The following MSRA variants were observed in gnomAD, a reference collection of about 807,000 sequenced individuals.
MSRA encodes the protein methionine sulfoxide reductase A.
Under a neutral mutation model 31.3 loss-of-function variants are expected in MSRA, and 54 were observed. The ratio of observed to expected loss-of-function variants is 1.73; its 90% confidence interval spans 1.39 to 2.17. The LOEUF (loss-of-function observed/expected upper bound fraction) is 2.17, where lower values mean the gene tolerates loss of function less well. Ranked by LOEUF, MSRA falls within the 30% of genes most tolerant of loss-of-function variation. The pLI is 0.00. For missense variants in MSRA, 507 were observed against 300.9 expected (o/e 1.69, Z -5.07); for synonymous variants, 169 against 116.5 (o/e 1.45, Z -2.90).
chr8:10,137,237 C>G (rs1057096912), intron 1 of MSRA, among the ~76,000 whole-genome samples: 1 of 152,106 alleles, frequency 6.6e-6, no homozygotes, highest in African/African-American at 2.4e-5. Flanking sequence ...TTTTATTTCT[C>G]GACTTAAAAG....
chr8:10,403,371 C>G (rs945148752), intron 5 of MSRA, among the ~76,000 whole-genome samples: 3 of 152,190 alleles, frequency 2.0e-5, no homozygotes, highest in Non-Finnish European at 2.9e-5. Flanking sequence ...CGGGCCTTAC[C>G]TAGCTCCACA....
intron 5 of MSRA, among the ~76,000 whole-genome samples, chr8:10,426,410 C>T (rs976752916): frequency 2.6e-5 from 4 of 152,216 alleles, no homozygotes; most frequent in Non-Finnish European, 5.9e-5. Flanking sequence ...CTGAAATTGC[C>T]AAAAGTCATT....
intron 5 of MSRA, among the ~76,000 whole-genome samples, chr8:10,341,479 C>T (rs1803423342): frequency 6.6e-6 from 1 of 152,206 alleles, no homozygotes; most frequent in Non-Finnish European, 1.5e-5. Flanking sequence ...CAAACACCTT[C>T]CACTAGGCCC....
rs1801016415 is a variant in MSRA at position 10,120,372 on chromosome 8, T to C, written c.142+65714T>C. On this transcript the variant is annotated intron_variant, in intron 1 of 5. Coordinates refer to ENST00000317173, the MANE Select transcript of MSRA (RefSeq NM_012331.5). Reference sequence around the variant, plus strand: ...TTCTGTTATTTGGAAGAGGTATCACTCTAAGACCTGTAATTTGCCCATCCG... The same window carrying C: ...TTCTGTTATTTGGAAGAGGTATCACCCTAAGACCTGTAATTTGCCCATCCG... Among the ~76,000 whole-genome samples, 3 of 152,142 alleles carry C rather than the reference T, an allele frequency of 2.0e-5. No homozygotes were observed. The South Asian group carries it at 6.2e-4, about 32-fold the overall frequency.
intron 5 of MSRA, among the ~76,000 whole-genome samples, chr8:10,339,816 C>T (rs1803305205): frequency 6.6e-6 from 1 of 151,862 alleles, no homozygotes; most frequent in African/African-American, 2.4e-5. Flanking sequence ...GCTGGGATTA[C>T]AGGCGTGAGC....
At chr8:10,257,003 A>C (rs1466713568) in intron 3 of MSRA, among the ~76,000 whole-genome samples, 4 of 152,242 alleles carry the variant, frequency 2.6e-5, no homozygotes, top group Non-Finnish European at 4.4e-5. Context: ...GAAAAATGTT[A>C]AAATATTTTA....
At chr8:10,312,354 C>G (rs1008650946) in intron 4 of MSRA, among the ~76,000 whole-genome samples, 1 of 152,124 alleles carries the variant, frequency 6.6e-6, no homozygotes, top group Non-Finnish European at 1.5e-5. Context: ...GGAGATTTTA[C>G]AGAAACCAGG....
At chr8:10,258,644 A>G (rs751321663) in intron 3 of MSRA, among the ~76,000 whole-genome samples, 1 of 152,218 alleles carries the variant, frequency 6.6e-6, no homozygotes, top group East Asian at 1.9e-4. Context: ...GAGGAGTTGG[A>G]GAATATCATG....
intron 1 of MSRA, among the ~76,000 whole-genome samples, chr8:10,159,999 A>C (rs1804496868): frequency 6.6e-6 from 1 of 152,212 alleles, no homozygotes; most frequent in African/African-American, 2.4e-5. Context: ...AATCTTTAAA[A>C]AACCCTTTAG....
intron 1 of MSRA, among the ~76,000 whole-genome samples, chr8:10,135,420 G>A (rs1461555691): frequency 6.6e-6 from 1 of 152,184 alleles, no homozygotes; most frequent in East Asian, 1.9e-4. Context: ...TTATATAAGA[G>A]AGGAAGAAGT....
At position 10,205,369 on chromosome 8, in the gene MSRA, G is replaced by A. The variant is rs986750385; in HGVS notation, c.143-2464G>A. ...CGCTGGCTGTGGTGGCAGATTGGATGTGGGGAGTGAAGGAAGAGAAGGGAT... is the reference window on the plus strand; with the variant it reads ...CGCTGGCTGTGGTGGCAGATTGGATATGGGGAGTGAAGGAAGAGAAGGGAT... On this transcript the variant is annotated intron_variant, in intron 1 of 5. Coordinates refer to ENST00000317173, the MANE Select transcript of MSRA (RefSeq NM_012331.5). Among the ~76,000 whole-genome samples, 100 of 152,306 alleles carry A rather than the reference G, an allele frequency of 6.6e-4. 1 individual carries two copies. Among genetic ancestry groups the A allele is most frequent in the African/African-American group, 2.2e-3 (91 of 41,566 alleles).
At position 10,245,096 on chromosome 8, in the gene MSRA, T is replaced by G; in HGVS notation, c.212-8T>G. ...AGTATCCTTTTTTTTTCTTTTTTCT[T>G]TTTTAAGGAATGGGATGTTTCTGGG... On this transcript the variant is annotated splice_polypyrimidine_tract_variant and splice_region_variant and intron_variant, in intron 2 of 5. Transcript: ENST00000317173. The G allele has an allele frequency of 1.2e-6, 2 of 1,610,220 alleles. No homozygotes were observed. Among genetic ancestry groups the G allele is most frequent in the Non-Finnish European group, 1.7e-6 (2 of 1,178,868 alleles).
intron 1 of MSRA, among the ~76,000 whole-genome samples, chr8:10,185,459 C>G (rs1489911155): frequency 7.2e-5 from 11 of 152,132 alleles, no homozygotes; most frequent in Admixed American, 7.2e-4. Flanking sequence ...TTCTGCCTTT[C>G]TACCTCAGAG....
chr8:10,062,075 G>A (rs1423215375), intron 1 of MSRA, among the ~76,000 whole-genome samples: 1 of 152,198 alleles, frequency 6.6e-6, no homozygotes, highest in Non-Finnish European at 1.5e-5. Context: ...TCAGCCTGGG[G>A]CATGGGTCTT....
chr8:10,077,727 A>G (rs1318811638), intron 1 of MSRA, among the ~76,000 whole-genome samples: 1 of 151,806 alleles, frequency 6.6e-6, no homozygotes, highest in African/African-American at 2.4e-5. Context: ...CAACTCATCT[A>G]TTAATAAGTT....
At chr8:10,407,963 A>C (rs915743555) in intron 5 of MSRA, among the ~76,000 whole-genome samples, 1 of 152,222 alleles carries the variant, frequency 6.6e-6, no homozygotes, top group African/African-American at 2.4e-5. Flanking sequence ...GAGTAGGTTA[A>C]TAGGATTGCA....
chr8:10,290,041 T>C (rs1016397180), intron 3 of MSRA, among the ~76,000 whole-genome samples: 1 of 152,218 alleles, frequency 6.6e-6, no homozygotes, highest in East Asian at 1.9e-4. Flanking sequence ...ATGCCCATTT[T>C]ATAGATGAGC....
intron 1 of MSRA, among the ~76,000 whole-genome samples, chr8:10,069,978 C>T (rs371416020): frequency 7.2e-5 from 11 of 152,266 alleles, no homozygotes; most frequent in Admixed American, 3.9e-4. Flanking sequence ...AATCACAGCA[C>T]GTGGTATGTA....
intron 1 of MSRA, among the ~76,000 whole-genome samples, chr8:10,193,934 T>A (rs1208141129): frequency 2.0e-5 from 3 of 152,120 alleles, no homozygotes; most frequent in African/African-American, 7.2e-5. Flanking sequence ...AGTAAAAACT[T>A]GATAATTTAA....
Sources: allele counts gnomAD v4.1 joint callset (sites outside exome capture counted in the v4.1 genomes callset), GRCh38; gene constraint gnomAD v4.1.1; transcripts MANE v1.5; gene names NCBI Gene and HGNC (gene_info 2026-07-23, HGNC 2026-07-21).